Variants in PCTP observed in about 807,000 individuals in gnomAD.
PCTP encodes phosphatidylcholine transfer protein, also known as START domain-containing protein 2.
PCTP carries 27 observed loss-of-function variants against 31.0 expected under a neutral mutation model. The observed-to-expected ratio is 0.87, with a 90% confidence interval of 0.64 to 1.20. The LOEUF (loss-of-function observed/expected upper bound fraction) is 1.20. Among genes scored for constraint, PCTP ranks in the 50% most tolerant of loss-of-function variants. PCTP has a pLI of 0.00. For synonymous variants in PCTP, 108 were observed against 101.2 expected, an observed-to-expected ratio of 1.07 and a Z score of -0.40; for missense variants, 287 against 268.2, an observed-to-expected ratio of 1.07 and a Z score of -0.49.
rs779270040 is a variant in PCTP, at chr17:55,777,023, C to G, written c.*923C>G. On this transcript the variant is annotated 3_prime_UTR_variant, in exon 6 of 6. Transcript: ENST00000268896. Reference sequence around the variant, plus strand: ...ATATTTAGAAATGTAGAAGGGATAACAGTTCACAGCCAGGTAAAATTTAAC... The same window carrying G: ...ATATTTAGAAATGTAGAAGGGATAAGAGTTCACAGCCAGGTAAAATTTAAC... 244 of 985,624 alleles carry G rather than the reference C, an allele frequency of 2.5e-4. No individual in the cohort carries two copies. The highest frequency in any genetic ancestry group is 2.8e-4 in the Non-Finnish European group (234 of 829,938). 61.1% of individuals were successfully genotyped at this position (985,624 alleles called of 1,614,324 possible). A position where few individuals can be genotyped will look rare whatever the true frequency, so the allele number is the denominator to read the frequency against.
chr17:55,816,578 G>T (rs1438754381), intron 3 of PCTP, among the ~76,000 whole-genome samples: 2 of 152,222 alleles, frequency 1.3e-5, no homozygotes, highest in Admixed American at 1.3e-4. Context: ...TAATGGTCTG[G>T]ACAGTATCAG....
At chr17:55,751,319 C>A in intron 1 of PCTP, 75 bp downstream of exon 1, 1 of 1,513,760 alleles carries the variant, frequency 6.6e-7, no homozygotes, top group Non-Finnish European at 8.8e-7. Context: ...GAGTGCGGGG[C>A]GGCAGTCGCG....
downstream of PCTP, among the ~76,000 whole-genome samples, chr17:55,780,206 CTATT>C (rs1285324500): frequency 1.3e-5 from 2 of 151,718 alleles, no homozygotes; most frequent in African/African-American, 4.8e-5. Flanking sequence ...CATTGCTCAT[CTATT>C]TATATATGTG....
chr17:55,801,820 C>T (rs1292062931), intron 3 of PCTP, among the ~76,000 whole-genome samples: 2 of 152,006 alleles, frequency 1.3e-5, no homozygotes, highest in African/African-American at 2.4e-5. Flanking sequence ...GAAGCAAGAG[C>T]AAACAAATTC....
At chr17:55,751,386 C>T (rs779242999) in intron 1 of PCTP, 142 bp downstream of exon 1, 171 of 1,533,606 alleles carry the variant, frequency 1.1e-4, no homozygotes, top group Non-Finnish European at 1.4e-4. Context: ...CGGACCCTGT[C>T]TCAAGCTCTG....
At chr17:55,785,783 CT>C (rs1911726796) in intron 2 of PCTP, among the ~76,000 whole-genome samples, 1 of 152,156 alleles carries the variant, frequency 6.6e-6, no homozygotes, top group Non-Finnish European at 1.5e-5. Context: ...TGCATTTGCC[CT>C]GATGATGCTT....
At chr17:55,788,919 G>A (rs567491069) in intron 3 of PCTP, among the ~76,000 whole-genome samples, 2 of 152,134 alleles carry the variant, frequency 1.3e-5, no homozygotes, top group African/African-American at 4.8e-5. Context: ...TTTTCTCCCA[G>A]GGTTCCTGGA....
At chr17:55,831,819 C>T (rs1905606387) in intron 5 of PCTP, among the ~76,000 whole-genome samples, 2 of 152,184 alleles carry the variant, frequency 1.3e-5, no homozygotes, top group African/African-American at 2.4e-5. Context: ...TGGTGGCTCA[C>T]ACCTGTAATC....
chr17:55,785,090 C>T lies in PCTP; in HGVS notation c.229-2476C>T, dbSNP rs146467232. On this transcript the variant is annotated intron_variant, in intron 2 of 3. Coordinates refer to the PCTP transcript ENST00000572536. The stretch of plus-strand genomic sequence containing the variant: ...GTGGAGTGGACCTGGTGACTTGCCT[C>T]TAAAGAATAGAGCAAGAGTGATGGG... 1.1e-3 allele frequency among the ~76,000 whole-genome samples: 172 copies of T among 152,346 alleles called. 2 individuals carry two copies. The highest frequency in any genetic ancestry group is 0.01 in the Middle Eastern group (3 of 294).
Position 55,751,205 on chromosome 17 carries a change from G to T in PCTP, c.102G>T (p.Val34=). The part of the protein sequence containing the change: ...ALAGADWQLL[V]ETSGISIYRL... The stretch of plus-strand genomic sequence containing the variant: ...CCGGGGCCGACTGGCAGCTCCTAGT[G>T]GAGACCTCGGGCATCAGCATCTACC... The change falls in exon 1 of 6, where the codon GTG becomes GTT. Residue 34 remains valine, a synonymous_variant. Coordinates refer to ENST00000268896, the MANE Select transcript of PCTP (RefSeq NM_021213.4). 6.5e-7 allele frequency: 1 copy of T among 1,548,116 alleles called. No homozygotes were observed. The highest frequency in any genetic ancestry group is 1.4e-5 in the African/African-American group (1 of 73,070).
intron 3 of PCTP, among the ~76,000 whole-genome samples, chr17:55,807,780 T>G (rs1295853198): frequency 6.6e-6 from 1 of 152,178 alleles, no homozygotes; most frequent in Non-Finnish European, 1.5e-5. Context: ...GCAACTTGAG[T>G]CGAGACTACC....
chr17:55,845,135 A>G (rs992930964), downstream of PCTP, among the ~76,000 whole-genome samples: 1 of 147,264 alleles, frequency 6.8e-6, no homozygotes, highest in Non-Finnish European at 1.5e-5. Context: ...CGGTTTTAGC[A>G]CAGCTTCTGA....
chr17:55,795,736 G>T (rs1364154906), intron 3 of PCTP, among the ~76,000 whole-genome samples: 2 of 152,082 alleles, frequency 1.3e-5, no homozygotes, highest in Non-Finnish European at 1.5e-5. Context: ...TGTACTTGTT[G>T]AATTAGTGAC....
chr17:55,834,793 CA>C (rs1345091724), intron 5 of PCTP, among the ~76,000 whole-genome samples: 1 of 151,982 alleles, frequency 6.6e-6, no homozygotes, highest in African/African-American at 2.4e-5. Flanking sequence ...CAGAGGGATG[CA>C]AAAGAATAAA....
intron 3 of PCTP, among the ~76,000 whole-genome samples, chr17:55,794,626 G>A (rs560014148): frequency 6.6e-6 from 1 of 152,106 alleles, no homozygotes; most frequent in East Asian, 1.9e-4. Context: ...TGCACAGAAT[G>A]TGAAAAACTT....
At chr17:55,784,020 A>G (rs1233098348) in intron 2 of PCTP, among the ~76,000 whole-genome samples, 3 of 152,148 alleles carry the variant, frequency 2.0e-5, no homozygotes, top group Non-Finnish European at 4.4e-5. Flanking sequence ...CTTGAGGACT[A>G]GCGGATCAAC....
At chr17:55,787,999 C>G (rs1268186254) in intron 3 of PCTP, among the ~76,000 whole-genome samples, 1 of 152,188 alleles carries the variant, frequency 6.6e-6, no homozygotes, top group Non-Finnish European at 1.5e-5. Context: ...TGTACTCTCT[C>G]TCTATTTTTC....
intron 3 of PCTP, among the ~76,000 whole-genome samples, chr17:55,798,834 T>C (rs1490888362): frequency 6.6e-6 from 1 of 151,922 alleles, no homozygotes; most frequent in Non-Finnish European, 1.5e-5. Context: ...TAAATGTAAA[T>C]GAGTATTGAC....
At chr17:55,787,976 G>A (rs1911813116) in intron 3 of PCTP, among the ~76,000 whole-genome samples, 1 of 152,116 alleles carries the variant, frequency 6.6e-6, no homozygotes, top group Non-Finnish European at 1.5e-5. Flanking sequence ...AGTACAATGG[G>A]ACTGTTACTG....
Sources: gnomAD v4.1 joint callset for allele counts (sites outside exome capture counted in the v4.1 genomes callset) on GRCh38, gnomAD v4.1.1 for gene constraint, MANE v1.5 for transcripts, NCBI Gene and HGNC (gene_info 2026-07-23, HGNC 2026-07-21) for gene names.